MSR1: variants seen among roughly 807,000 people sequenced by gnomAD.
MSR1 encodes the protein macrophage scavenger receptor types I and II.
MSR1 carries 53 observed loss-of-function variants against 47.2 expected under a neutral mutation model. That is an observed-to-expected ratio of 1.12 (90% CI 0.90 to 1.41). The LOEUF (loss-of-function observed/expected upper bound fraction) is 1.41. Among genes scored for constraint, MSR1 ranks in the 40% most tolerant of loss-of-function variants. The pLI is 0.00. For missense variants in MSR1, 786 were observed against 546.9 expected (o/e 1.44, Z -4.36); for synonymous variants, 239 against 185.6 (o/e 1.29, Z -2.34).
At chr8:16,117,522 T>G (rs1447384453) in intron 9 of MSR1, among the ~76,000 whole-genome samples, 3 of 152,156 alleles carry the variant, frequency 2.0e-5, no homozygotes, top group Non-Finnish European at 4.4e-5. Context: ...TGTACTTCAG[T>G]TGTACAGCTG....
intron 1 of MSR1, among the ~76,000 whole-genome samples, chr8:16,181,125 T>TA (rs938225513): frequency 6.6e-6 from 1 of 151,862 alleles, no homozygotes; most frequent in Non-Finnish European, 1.5e-5. Context: ...ACCAAATAAT[T>TA]AAAAAAAACT....
chr8:16,177,846 A>T, intron 2 of MSR1, 40 bp downstream of exon 2: 1 of 1,509,812 alleles, frequency 6.6e-7, no homozygotes, highest in Non-Finnish European at 9.2e-7. Context: ...CAATAACTCT[A>T]AGAACAACCT....
chr8:16,175,172 T>C lies in MSR1; in HGVS notation c.217+15A>G. On this transcript the variant is annotated intron_variant, in intron 3 of 9. Transcript: ENST00000262101. Reference sequence around the variant, plus strand: ...GGGACGAGTTACTAAATTTCAAAACTCTGGGTTACGTTACCTGCCACTATT... The same window carrying C: ...GGGACGAGTTACTAAATTTCAAAACCCTGGGTTACGTTACCTGCCACTATT... 6.2e-7 allele frequency: 1 copy of C among 1,607,796 alleles called. No individual in the cohort carries two copies. Among genetic ancestry groups the C allele is most frequent in the Non-Finnish European group, 8.5e-7 (1 of 1,174,278 alleles).
chr8:16,182,591 ACT>A (rs1801866774), intron 1 of MSR1, among the ~76,000 whole-genome samples: 5 of 151,270 alleles, frequency 3.3e-5, no homozygotes, highest in Admixed American at 3.3e-4. Context: ...TACTTCTTTA[ACT>A]TTTTTGTTGA....
intron 9 of MSR1, among the ~76,000 whole-genome samples, chr8:16,114,931 A>C (rs1015235378): frequency 2.0e-5 from 3 of 152,122 alleles, no homozygotes; most frequent in African/African-American, 7.2e-5. Context: ...TAATCCCAGC[A>C]CTTTGGGAGG....
intron 9 of MSR1, among the ~76,000 whole-genome samples, chr8:16,116,602 A>G (rs998130849): frequency 2.0e-5 from 3 of 150,912 alleles, no homozygotes; most frequent in Non-Finnish European, 4.5e-5. Context: ...TTTAAAAAAA[A>G]CCATTTTCTT....
At chr8:16,123,349 C>T (rs1179475888) in intron 8 of MSR1, among the ~76,000 whole-genome samples, 1 of 152,150 alleles carries the variant, frequency 6.6e-6, no homozygotes, top group African/African-American at 2.4e-5. Context: ...TATTCAACTG[C>T]TCTGTTTTGG....
At chr8:16,188,185 A>T (rs375931328) in intron 1 of MSR1, among the ~76,000 whole-genome samples, 1 of 152,166 alleles carries the variant, frequency 6.6e-6, no homozygotes, top group East Asian at 1.9e-4. Flanking sequence ...TATCAAGTGG[A>T]TGAAAAGTTT....
chr8:16,182,232 C>T (rs1046661316), intron 1 of MSR1, among the ~76,000 whole-genome samples: 37 of 152,212 alleles, frequency 2.4e-4, no homozygotes, highest in African/African-American at 7.5e-4. Flanking sequence ...ATAAAAGATA[C>T]GAAGTTCTGC....
chr8:16,114,972 G>A (rs1157360081), intron 9 of MSR1, among the ~76,000 whole-genome samples: 2 of 152,078 alleles, frequency 1.3e-5, no homozygotes, highest in Non-Finnish European at 2.9e-5. Context: ...GCGGTCAGGA[G>A]TTCGAGACCA....
rs532679684 is a variant in MSR1 at position 16,153,686 on chromosome 8, C to G, written c.898+1378G>C. On this transcript the variant is annotated intron_variant, in intron 6 of 9. Transcript: ENST00000262101. ...TTCAGAAACAGCTGCAGAAGATTCT[C>G]CCAAGATGAAGCACTGTATGGCAAG... is the stretch of plus-strand genomic sequence containing the variant. 3.9e-5 allele frequency among the ~76,000 whole-genome samples: 6 copies of G among 152,020 alleles called. No homozygotes were observed. The South Asian group carries it at 1.2e-3, about 32-fold the overall frequency.
At chr8:16,164,403 G>C (rs1801246812) in intron 4 of MSR1, 152 bp from the exon 5 acceptor site, 1 of 654,656 alleles carries the variant, frequency 1.5e-6, no homozygotes, top group South Asian at 1.9e-5. Flanking sequence ...TGTTTTGAAA[G>C]TAGTAATTCT....
At chr8:16,110,361 G>A (rs12679486) in intron 9 of MSR1, 143 bp from the exon 10 acceptor site, 25,153 of 901,162 alleles carry the variant, frequency 0.028, 1,239 homozygotes, top group East Asian at 0.15. Flanking sequence ...TCTCTAGTAG[G>A]AATCAAAAAT....
intron 9 of MSR1, among the ~76,000 whole-genome samples, chr8:16,113,641 G>C (rs1278684350): frequency 1.3e-5 from 2 of 152,122 alleles, no homozygotes; most frequent in Admixed American, 1.3e-4. Context: ...TTGGATTGTA[G>C]TTTTGTGCTT....
intron 1 of MSR1, chr8:16,186,266 G>A (rs1585201285): frequency 7.1e-7 from 1 of 1,411,232 alleles, no homozygotes; most frequent in Non-Finnish European, 9.7e-7. Flanking sequence ...CGTCTCAACA[G>A]CAGAGTGAGC....
At chr8:16,189,731 A>G (rs1363027191) in intron 1 of MSR1, among the ~76,000 whole-genome samples, 1 of 40,842 alleles carries the variant, frequency 2.4e-5, no homozygotes, top group Non-Finnish European at 3.9e-5. Flanking sequence ...TATATATTTT[A>G]TATATATATA....
intron 3 of MSR1, among the ~76,000 whole-genome samples, chr8:16,173,437 T>C (rs564777287): frequency 6.6e-6 from 1 of 152,310 alleles, no homozygotes; most frequent in East Asian, 1.9e-4. Flanking sequence ...ACATTTCAAA[T>C]TACAGATAAG....
Position 16,164,160 on chromosome 8 carries a change from T to C in MSR1, c.722A>G (p.Lys241Arg), listed in dbSNP as rs766853465. Residue 241 changes from lysine (K) to arginine (R), a missense_variant, in exon 5 of 10, where the codon AAA (lysine) becomes AGA (arginine). Transcript: ENST00000262101. ...GTTATTCAGTACTTTCACTTCTCCT[T>C]TTATTTCCTGTTCCAAATGCACTTG... Reference protein sequence around the residue: ...EEQVHLEQEIKGEVKVLNNIT... With the variant: ...EEQVHLEQEIRGEVKVLNNIT... 1 of 1,612,254 alleles carries C rather than the reference T, an allele frequency of 6.2e-7. No individual in the cohort carries two copies. Among genetic ancestry groups the C allele is most frequent in the East Asian group, 2.2e-5 (1 of 44,716 alleles).
chr8:16,185,695 C>G (rs879201921), intron 1 of MSR1, among the ~76,000 whole-genome samples: 2 of 151,940 alleles, frequency 1.3e-5, no homozygotes, highest in Admixed American at 1.3e-4. Context: ...CTACTCCAGC[C>G]AGGCATCTTG....
Sources: allele counts gnomAD v4.1 joint callset (sites outside exome capture counted in the v4.1 genomes callset), GRCh38; gene constraint gnomAD v4.1.1; transcripts MANE v1.5; gene names NCBI Gene and HGNC (gene_info 2026-07-23, HGNC 2026-07-21).